PCSK5: variants seen among roughly 807,000 people sequenced by gnomAD.
The protein encoded by PCSK5 is prohormone convertase 5.
PCSK5 carries 129 observed loss-of-function variants against 233.2 expected under a neutral mutation model. The ratio of observed to expected loss-of-function variants is 0.55; its 90% CI spans 0.48 to 0.64. PCSK5 has a LOEUF of 0.64. Among genes scored for constraint, PCSK5 ranks in the 30% least tolerant of loss-of-function variants. PCSK5 has a pLI of 0.00. For synonymous variants in PCSK5, 825 were observed against 879.2 expected, an observed-to-expected ratio of 0.94 and a Z score of 1.09; for missense variants, 2,076 against 2,430.1, an observed-to-expected ratio of 0.85 and a Z score of 3.06.
chr9:75,945,688 T>C (rs1476390468), intron 2 of PCSK5, among the ~76,000 whole-genome samples: 1 of 152,188 alleles, frequency 6.6e-6, no homozygotes, highest in Non-Finnish European at 1.5e-5. Flanking sequence ...ATCTAGCCTC[T>C]TTCTACCTCT....
At chr9:76,114,286 A>G (rs1364884350) in intron 9 of PCSK5, among the ~76,000 whole-genome samples, 6 of 152,162 alleles carry the variant, frequency 3.9e-5, no homozygotes, top group African/African-American at 1.2e-4. Flanking sequence ...TATTCCCTAT[A>G]GTGAAATAAT....
chr9:76,138,853 A>G (rs1331690538), intron 10 of PCSK5, among the ~76,000 whole-genome samples: 1 of 152,042 alleles, frequency 6.6e-6, no homozygotes, highest in Non-Finnish European at 1.5e-5. Context: ...AGAGGTTACC[A>G]CGCCTTCCAT....
chr9:76,040,019 A>G (rs1403310126), intron 5 of PCSK5, among the ~76,000 whole-genome samples: 1 of 152,244 alleles, frequency 6.6e-6, no homozygotes, highest in African/African-American at 2.4e-5. Context: ...AGAGTTTTAC[A>G]GTTCACAAAG....
At chr9:76,231,952 G>A (rs1395124135) in intron 21 of PCSK5, among the ~76,000 whole-genome samples, 1 of 151,150 alleles carries the variant, frequency 6.6e-6, no homozygotes, top group Non-Finnish European at 1.5e-5. Flanking sequence ...TTCTCTCTTA[G>A]GTTGTCGGCT....
chr9:76,352,025 A>C (rs181395512), intron 36 of PCSK5, among the ~76,000 whole-genome samples: 6 of 152,338 alleles, frequency 3.9e-5, no homozygotes, highest in Non-Finnish European at 8.8e-5. Flanking sequence ...ATCTCACACA[A>C]GAAAGAATTC....
chr9:75,968,117 C>A (rs866162968), intron 2 of PCSK5, among the ~76,000 whole-genome samples: 78 of 152,158 alleles, frequency 5.1e-4, no homozygotes, highest in African/African-American at 1.6e-3. Context: ...CTTCACTGAT[C>A]CAGGGAGTCA....
At chr9:76,125,070 T>A (rs1474798217) in intron 9 of PCSK5, among the ~76,000 whole-genome samples, 1 of 152,130 alleles carries the variant, frequency 6.6e-6, no homozygotes, top group African/African-American at 2.4e-5. Context: ...TTCTTTTTCC[T>A]TTCTTTGTTC....
At chr9:76,246,257 G>A (rs552514568) in intron 24 of PCSK5, among the ~76,000 whole-genome samples, 108 of 146,226 alleles carry the variant, frequency 7.4e-4, no homozygotes, top group East Asian at 2.1e-3. Context: ...CAGGAGAATC[G>A]CTTGAACCCA....
intron 22 of PCSK5, among the ~76,000 whole-genome samples, chr9:76,236,865 G>A (rs1056882160): frequency 2.0e-5 from 3 of 152,240 alleles, no homozygotes; most frequent in Non-Finnish European, 2.9e-5. Flanking sequence ...TGGGCCCGTC[G>A]TTGCTAATTT....
At chr9:76,179,286 G>C (rs535055283) in intron 14 of PCSK5, among the ~76,000 whole-genome samples, 2 of 151,968 alleles carry the variant, frequency 1.3e-5, no homozygotes, top group South Asian at 2.1e-4. Context: ...TTTTTTTCCA[G>C]TTGCTACAGT....
At chr9:76,053,241 C>A (rs1234738651) in intron 5 of PCSK5, among the ~76,000 whole-genome samples, 5 of 152,178 alleles carry the variant, frequency 3.3e-5, no homozygotes, top group African/African-American at 7.2e-5. Context: ...TGGGGGGGCT[C>A]CCACCCCACA....
At chr9:76,332,075 C>T (rs921052824) in intron 33 of PCSK5, among the ~76,000 whole-genome samples, 3 of 152,154 alleles carry the variant, frequency 2.0e-5, no homozygotes, top group Admixed American at 6.5e-5. Context: ...CATCCACAGG[C>T]GCCGGACTGT....
intron 30 of PCSK5, among the ~76,000 whole-genome samples, chr9:76,313,303 A>G (rs937982242): frequency 5.3e-5 from 8 of 152,176 alleles, no homozygotes; most frequent in African/African-American, 1.7e-4. Context: ...TACCATACAA[A>G]TCACCCCTAA....
chr9:76,212,191 T>A (rs555314300), intron 20 of PCSK5, among the ~76,000 whole-genome samples: 1 of 152,292 alleles, frequency 6.6e-6, no homozygotes, highest in East Asian at 1.9e-4. Context: ...TCTGAAGGAA[T>A]GTGTAGGTGA....
chr9:76,259,162 G>A (rs1291605688), intron 24 of PCSK5, among the ~76,000 whole-genome samples: 1 of 152,166 alleles, frequency 6.6e-6, no homozygotes, highest in Non-Finnish European at 1.5e-5. Context: ...TGACAGATGT[G>A]TACTTTTTTC....
At chr9:76,000,157 A>G (rs1302070725) in intron 3 of PCSK5, among the ~76,000 whole-genome samples, 1 of 151,844 alleles carries the variant, frequency 6.6e-6, no homozygotes, top group Non-Finnish European at 1.5e-5. Context: ...GCTCCTCTCC[A>G]TTTTTTTCTC....
chr9:76,109,444 A>AAG (rs1832115233), intron 9 of PCSK5, among the ~76,000 whole-genome samples: 1 of 151,794 alleles, frequency 6.6e-6, no homozygotes, highest in Non-Finnish European at 1.5e-5. Flanking sequence ...TTTTTTAAAA[A>AAG]AAAAACAGTT....
intron 24 of PCSK5, among the ~76,000 whole-genome samples, chr9:76,252,276 AAATAATAAT>A (rs1187517466): frequency 1.4e-5 from 2 of 148,032 alleles, no homozygotes; most frequent in East Asian, 1.9e-4. Flanking sequence ...GTCTCAGAAA[AAATAATAAT>A]AATAATAATA....
chr9:76,286,850 G>A (rs1828088835), intron 24 of PCSK5: 1 of 187,888 alleles, frequency 5.3e-6, no homozygotes, highest in Non-Finnish European at 1.1e-5. Flanking sequence ...CTGGCTGCCT[G>A]GGATCTTCCC....
Sources: allele counts gnomAD v4.1 joint callset (sites outside exome capture counted in the v4.1 genomes callset), GRCh38; gene constraint gnomAD v4.1.1; transcripts MANE v1.5; gene names NCBI Gene and HGNC (gene_info 2026-07-23, HGNC 2026-07-21).